ZNF608: variants seen among roughly 807,000 people sequenced by gnomAD.
ZNF608 encodes renal carcinoma antigen NY-REN-36.
In ZNF608, 12 loss-of-function variants were observed where a neutral mutation model predicts 109.0. The observed-to-expected ratio is 0.11, with a 90% confidence interval of 0.07 to 0.18. The LOEUF (loss-of-function observed/expected upper bound fraction) is 0.18. Ranked by LOEUF, ZNF608 falls within the 10% of genes least tolerant of loss-of-function variation. The pLI is 1.00. For synonymous variants in ZNF608, 732 were observed against 717.4 expected (o/e 1.02, Z -0.33); for missense variants, 1,707 against 1,879.3 (o/e 0.91, Z 1.70).
intron 3 of ZNF608, among the ~76,000 whole-genome samples, chr5:124,685,772 A>G (rs995981928): frequency 6.6e-6 from 1 of 152,078 alleles, no homozygotes; most frequent in Admixed American, 6.6e-5. Context: ...GAACAACTAG[A>G]TCCCTCCCAA....
Position 124,653,080 on chromosome 5 carries a change from G to C in ZNF608, c.1163-3383C>G, listed in dbSNP as rs367830436. Among the ~76,000 whole-genome samples, 54 of 152,278 alleles carry C rather than the reference G, an allele frequency of 3.5e-4. No individual in the cohort carries two copies. In the South Asian group the frequency reaches 0.011, roughly 31 times the overall value. Reference sequence around the variant, plus strand: ...CATGGACTGGGCCTGGCCTTTGTCAGAGAGCTAATGCCCTGTAACATTTCA... The same window carrying C: ...CATGGACTGGGCCTGGCCTTTGTCACAGAGCTAATGCCCTGTAACATTTCA... On this transcript the variant is annotated intron_variant, in intron 3 of 9. Transcript: ENST00000513986.
At chr5:124,727,675 A>C (rs1748673184) in intron 2 of ZNF608, among the ~76,000 whole-genome samples, 1 of 132,086 alleles carries the variant, frequency 7.6e-6, no homozygotes, top group Non-Finnish European at 1.6e-5. Flanking sequence ...AAAAAACCAC[A>C]CACATCAGAT....
chr5:124,649,126 C>CACAAA lies in ZNF608; in HGVS notation c.1253_1257dup (p.Glu420PhefsTer11). On this transcript the variant is annotated frameshift_variant, in exon 5 of 10. Transcript: ENST00000513986. LOFTEE classifies it high-confidence loss of function. ...ATCTCCAGGTCACTTGTCGGTGACT[C>CACAAA]ACAAAACCTATGGAAGCAAGTAACA... 6.4e-7 allele frequency: 1 copy of CACAAA among 1,556,416 alleles called. No individual in the cohort carries two copies. The highest frequency in any genetic ancestry group is 8.6e-7 in the Non-Finnish European group (1 of 1,157,206).
intron 6 of ZNF608, 56 bp downstream of exon 6, chr5:124,644,188 C>A: frequency 1.4e-6 from 2 of 1,447,816 alleles, no homozygotes; most frequent in South Asian, 1.5e-5. Context: ...TTTTTAACAG[C>A]TAATATTTGA....
At chr5:124,724,609 CGTGTGTGTGT>C (rs113446719) in intron 2 of ZNF608, among the ~76,000 whole-genome samples, 3 of 146,976 alleles carry the variant, frequency 2.0e-5, no homozygotes, top group African/African-American at 7.5e-5. Context: ...TTCAACAGCA[CGTGTGTGTGT>C]GTGTGTGTGT....
rs1222724777 is a variant in ZNF608 at position 124,648,166 on chromosome 5, G to A, written c.2218C>T (p.Pro740Ser). ...TGCGGGGGAGTGGGGGCTGGGGCAG[G>A]GGCAATGGGCCGGGCACTTTTCAGT... Reference protein sequence around the residue: ...SKLKSARPIAPAPAPTPPQLI... With the variant: ...SKLKSARPIASAPAPTPPQLI... Residue 740 changes from proline to serine, a missense_variant, in exon 5 of 10, where the codon CCT becomes TCT. This residue lies in a region of ZNF608 where 1,073 missense variants were observed against 1,133.5 expected (regional missense o/e 0.95). Transcript: ENST00000513986. 3.1e-6 allele frequency: 5 copies of A among 1,613,034 alleles called. No individual in the cohort carries two copies. The African/African-American group carries it at 6.7e-5, about 22-fold the overall frequency.
intron 3 of ZNF608, among the ~76,000 whole-genome samples, chr5:124,682,163 C>A (rs1337528500): frequency 6.6e-6 from 1 of 152,216 alleles, no homozygotes; most frequent in Non-Finnish European, 1.5e-5. Context: ...ACCTCCGCCT[C>A]CCAGGTTCAA....
At chr5:124,708,675 AC>A in intron 2 of ZNF608, 1 of 456,014 alleles carries the variant, frequency 2.2e-6, no homozygotes, top group South Asian at 1.6e-5. Flanking sequence ...TTATGCACAG[AC>A]TGGGAATTAT....
At chr5:124,712,440 G>C (rs770182560) in intron 2 of ZNF608, among the ~76,000 whole-genome samples, 1 of 152,312 alleles carries the variant, frequency 6.6e-6, no homozygotes, top group African/African-American at 2.4e-5. Flanking sequence ...TGGAGTGGCT[G>C]AGTTGGCTCA....
At chr5:124,715,106 T>C (rs1753639965) in intron 2 of ZNF608, among the ~76,000 whole-genome samples, 1 of 152,216 alleles carries the variant, frequency 6.6e-6, no homozygotes. Flanking sequence ...ATGGACTCTA[T>C]GAAAATGCTT....
At chr5:124,644,939 G>A (rs567128100) in intron 5 of ZNF608, among the ~76,000 whole-genome samples, 9 of 152,290 alleles carry the variant, frequency 5.9e-5, no homozygotes, top group East Asian at 3.9e-4. Flanking sequence ...CTGCCCAGTC[G>A]TGGAGCTGGG....
chr5:124,670,820 C>T (rs1751683913), intron 3 of ZNF608, among the ~76,000 whole-genome samples: 1 of 152,120 alleles, frequency 6.6e-6, no homozygotes, highest in South Asian at 2.1e-4. Flanking sequence ...GCAGAGCAAC[C>T]ACTGGGTCAG....
At chr5:124,640,514 G>T (rs1158909511) in intron 8 of ZNF608, among the ~76,000 whole-genome samples, 2 of 152,112 alleles carry the variant, frequency 1.3e-5, no homozygotes, top group African/African-American at 4.8e-5. Flanking sequence ...TGGCTGTACT[G>T]GCACCCTGAT....
intron 1 of ZNF608, 116 bp downstream of exon 1, chr5:124,746,079 A>G (rs1250033897): frequency 3.7e-5 from 36 of 974,090 alleles, no homozygotes; most frequent in Non-Finnish European, 4.3e-5. Context: ...GTGTTTGACA[A>G]AGAGCAGTTA....
intron 2 of ZNF608, among the ~76,000 whole-genome samples, chr5:124,737,842 C>A (rs1201663175): frequency 6.6e-6 from 1 of 152,190 alleles, no homozygotes; most frequent in South Asian, 2.1e-4. Flanking sequence ...AGTTTAACAA[C>A]CTTTCATTCA....
intron 3 of ZNF608, among the ~76,000 whole-genome samples, chr5:124,692,544 A>T (rs1752665695): frequency 6.6e-6 from 1 of 152,236 alleles, no homozygotes; most frequent in South Asian, 2.1e-4. Flanking sequence ...AGAAATTCCT[A>T]TCATTCCATG....
chr5:124,710,564 C>T (rs2149865084), intron 2 of ZNF608: 1 of 202,506 alleles, frequency 4.9e-6, no homozygotes, highest in East Asian at 1.3e-4. Flanking sequence ...CTGTACAGGA[C>T]ACTATCTTGG....
intron 3 of ZNF608, among the ~76,000 whole-genome samples, chr5:124,670,344 T>C (rs796750253): frequency 1.7e-4 from 26 of 152,072 alleles, no homozygotes; most frequent in African/African-American, 6.0e-4. Flanking sequence ...TTTCTTTTTT[T>C]TTTTAATGGA....
At chr5:124,694,142 ATTTTTTTTTTTTT>A (rs11320730) in intron 3 of ZNF608, among the ~76,000 whole-genome samples, 5,189 of 64,290 alleles carry the variant, frequency 0.081, 427 homozygotes, top group African/African-American at 0.25. Flanking sequence ...CGCTCGGCTA[ATTTTTTTTTTTTT>A]TTTTTTTTTT....
Sources: allele counts gnomAD v4.1 joint callset (sites outside exome capture counted in the v4.1 genomes callset), GRCh38; gene constraint gnomAD v4.1.1; regional missense constraint gnomAD v4.1.1; transcripts MANE v1.5; gene names NCBI Gene and HGNC (gene_info 2026-07-23, HGNC 2026-07-21).